Variants in BARX2 observed in about 807,000 individuals in gnomAD.
BARX2 encodes the protein BARX homeobox 2.
BARX2 carries 11 observed loss-of-function variants against 25.5 expected under a neutral mutation model. That is an observed-to-expected ratio of 0.43 (90% CI 0.27 to 0.71). The LOEUF is 0.71. Ranked by LOEUF, BARX2 falls within the 30% of genes least tolerant of loss-of-function variation. The pLI, the probability that BARX2 is intolerant of heterozygous loss-of-function variation, is 0.19. For synonymous variants in BARX2, 137 were observed against 149.5 expected, an observed-to-expected ratio of 0.92 and a Z score of 0.61; for missense variants, 360 against 359.9, an observed-to-expected ratio of 1.00 and a Z score of 0.00.
At chr11:129,378,683 G>A (rs1861530405) in intron 1 of BARX2, among the ~76,000 whole-genome samples, 1 of 147,372 alleles carries the variant, frequency 6.8e-6, no homozygotes, top group African/African-American at 2.5e-5. Context: ...AACTTTCTCA[G>A]CCTTTCATTT....
chr11:129,380,411 G>T (rs148702865), intron 1 of BARX2, among the ~76,000 whole-genome samples: 1 of 152,098 alleles, frequency 6.6e-6, no homozygotes, highest in African/African-American at 2.4e-5. Flanking sequence ...ATAGTGTCTC[G>T]TTTGGGAGTT....
intron 1 of BARX2, among the ~76,000 whole-genome samples, chr11:129,414,785 AC>A (rs1202304249): frequency 6.6e-6 from 1 of 152,244 alleles, no homozygotes. Flanking sequence ...TGAAGATACT[AC>A]CTAAGCTAGG....
chr11:129,388,872 G>A (rs192918816), intron 1 of BARX2, among the ~76,000 whole-genome samples: 228 of 152,266 alleles, frequency 1.5e-3, no homozygotes, highest in African/African-American at 5.3e-3. Context: ...TGAGTCAGAC[G>A]GTCCTGGGTT....
At chr11:129,442,772 G>A in intron 2 of BARX2, 63 bp from the exon 3 acceptor site, 1 of 1,420,756 alleles carries the variant, frequency 7.0e-7, no homozygotes, top group African/African-American at 1.4e-5. Flanking sequence ...CTGCCAGCAG[G>A]ATCCCATCTC....
intron 1 of BARX2, among the ~76,000 whole-genome samples, chr11:129,419,055 G>A (rs76012508): frequency 0.017 from 2,515 of 152,246 alleles, 55 homozygotes; most frequent in African/African-American, 0.055. Flanking sequence ...GTGAACAGGC[G>A]TGCCTACATG....
chr11:129,389,437 G>A (rs1176576227), intron 1 of BARX2, among the ~76,000 whole-genome samples: 1 of 152,070 alleles, frequency 6.6e-6, no homozygotes, highest in African/African-American at 2.4e-5. Context: ...TCATGAATTA[G>A]GTATGTTTCA....
At chr11:129,440,291 G>A (rs1862241571) in intron 2 of BARX2, among the ~76,000 whole-genome samples, 1 of 152,246 alleles carries the variant, frequency 6.6e-6, no homozygotes, top group Non-Finnish European at 1.5e-5. Flanking sequence ...TTTTTCCCAA[G>A]TGAGCTAACA....
chr11:129,416,570 A>G (rs984218171), intron 1 of BARX2, among the ~76,000 whole-genome samples: 1 of 152,192 alleles, frequency 6.6e-6, no homozygotes, highest in Admixed American at 6.5e-5. Flanking sequence ...GAGTCCATTA[A>G]AAATGCTTGG....
chr11:129,439,672 C>A (rs1036879575), intron 2 of BARX2, among the ~76,000 whole-genome samples: 18 of 152,118 alleles, frequency 1.2e-4, no homozygotes, highest in African/African-American at 4.1e-4. Flanking sequence ...CTGTTCTAGA[C>A]CTGTGCATTT....
chr11:129,445,634 T>C (rs1862316807), intron 3 of BARX2, among the ~76,000 whole-genome samples: 1 of 152,200 alleles, frequency 6.6e-6, no homozygotes, highest in Non-Finnish European at 1.5e-5. Context: ...GATAATTCAT[T>C]GAGCATTTAA....
At chr11:129,444,865 G>T (rs1470874470) in intron 3 of BARX2, among the ~76,000 whole-genome samples, 2 of 152,146 alleles carry the variant, frequency 1.3e-5, no homozygotes, top group Non-Finnish European at 2.9e-5. Context: ...GCTGGGTGTG[G>T]TGTTGGTTGC....
At chr11:129,395,559 T>A (rs1861710849) in intron 1 of BARX2, among the ~76,000 whole-genome samples, 1 of 152,142 alleles carries the variant, frequency 6.6e-6, no homozygotes, top group South Asian at 2.1e-4. Flanking sequence ...TGAAATCTCC[T>A]CCGGCCCTCC....
At chr11:129,418,672 A>G (rs1861970601) in intron 1 of BARX2, among the ~76,000 whole-genome samples, 1 of 152,198 alleles carries the variant, frequency 6.6e-6, no homozygotes, top group Non-Finnish European at 1.5e-5. Flanking sequence ...ATGAAAACAT[A>G]TCCTTTATAC....
At chr11:129,442,729 C>T in intron 2 of BARX2, 106 bp from the exon 3 acceptor site, 1 of 985,492 alleles carries the variant, frequency 1.0e-6, no homozygotes, top group East Asian at 2.4e-5. Flanking sequence ...GAGGTCCGAG[C>T]CTTGGTAGCC....
chr11:129,400,902 G>A (rs1861768848), intron 1 of BARX2, among the ~76,000 whole-genome samples: 1 of 152,182 alleles, frequency 6.6e-6, no homozygotes, highest in African/African-American at 2.4e-5. Context: ...AGAAAAGAGA[G>A]TCAAGAAGAG....
At chr11:129,422,478 C>T (rs564781609) in intron 1 of BARX2, among the ~76,000 whole-genome samples, 1 of 151,678 alleles carries the variant, frequency 6.6e-6, no homozygotes, top group Non-Finnish European at 1.5e-5. Flanking sequence ...TTTAAAATTT[C>T]CATTGAGATG....
At chr11:129,411,380 A>G (rs992266489) in intron 1 of BARX2, among the ~76,000 whole-genome samples, 1 of 151,798 alleles carries the variant, frequency 6.6e-6, no homozygotes, top group Non-Finnish European at 1.5e-5. Context: ...CCAAAAAAAA[A>G]AAAAAAAAAA....
intron 1 of BARX2, among the ~76,000 whole-genome samples, chr11:129,405,249 C>T (rs1861818349): frequency 6.6e-6 from 1 of 152,182 alleles, no homozygotes; most frequent in Non-Finnish European, 1.5e-5. Flanking sequence ...GCTACTCACA[C>T]TCTTGAGGGT....
chr11:129,445,807 C>T (rs1862320118), intron 3 of BARX2, among the ~76,000 whole-genome samples: 1 of 152,088 alleles, frequency 6.6e-6, no homozygotes, highest in South Asian at 2.1e-4. Context: ...ATAGGATCAG[C>T]GCAGAGAGTG....
Sources: gnomAD v4.1 joint callset for allele counts (sites outside exome capture counted in the v4.1 genomes callset) on GRCh38, gnomAD v4.1.1 for gene constraint, MANE v1.5 for transcripts, NCBI Gene and HGNC (gene_info 2026-07-23, HGNC 2026-07-21) for gene names.